The following SCFD1 variants were observed in gnomAD, a reference collection of about 807,000 sequenced individuals.
SCFD1 encodes sec1 family domain containing 1.
Under a neutral mutation model 103.2 loss-of-function variants are expected in SCFD1, and 37 were observed. The ratio of observed to expected loss-of-function variants is 0.36; its 90% CI spans 0.28 to 0.47. The LOEUF is 0.47. SCFD1 is among the 20% of genes least tolerant of loss of function. SCFD1 has a pLI of 1.00. For synonymous variants in SCFD1, 264 were observed against 245.0 expected, an observed-to-expected ratio of 1.08 and a Z score of -0.73; for missense variants, 639 against 761.2, an observed-to-expected ratio of 0.84 and a Z score of 1.89.
intron 20 of SCFD1, 57 bp downstream of exon 20, chr14:30,716,034 A>T: frequency 1.1e-6 from 1 of 923,978 alleles, no homozygotes; most frequent in Non-Finnish European, 1.7e-6. Flanking sequence ...ACTGACTAGT[A>T]TGAAAGAGGA....
chr14:30,710,919 A>G (rs946977270), intron 19 of SCFD1, among the ~76,000 whole-genome samples: 31 of 152,238 alleles, frequency 2.0e-4, no homozygotes, highest in African/African-American at 7.0e-4. Flanking sequence ...AGTTTAAACT[A>G]TAAATAAATT....
chr14:30,633,978 G>T lies in SCFD1; in HGVS notation c.253G>T (p.Asp85Tyr). 1.2e-6 allele frequency: 2 copies of T among 1,604,232 alleles called. No individual in the cohort carries two copies. Among genetic ancestry groups the T allele is most frequent in the Non-Finnish European group, 1.7e-6 (2 of 1,173,658 alleles). Reference protein sequence around the residue: ...LLHSDRDPIPDVPAVYFVMPT... With the variant: ...LLHSDRDPIPYVPAVYFVMPT... ...ACACTCTGATCGAGATCCTATTCCAGATGTTCCTGCAGTATACTTTGTAAT... is the reference window on the plus strand; with the variant it reads ...ACACTCTGATCGAGATCCTATTCCATATGTTCCTGCAGTATACTTTGTAAT... The change falls in exon 4 of 25, where the codon GAT becomes TAT. Residue 85 changes from aspartate to tyrosine, a missense_variant. By Grantham distance (160) the Asp-to-Tyr change is radical. Transcript: ENST00000458591.
rs551006345 is a variant in SCFD1 at position 30,696,005 on chromosome 14, A to C, written c.1339+1136A>C. On this transcript the variant is annotated intron_variant, in intron 15 of 24. Transcript: ENST00000458591. ...TAGTCTCTGAAATTCCCTAAACTTT[A>C]GAGACCTGTAGATCATTTCACAATA... Among the ~76,000 whole-genome samples, 5 of 152,350 alleles carry C rather than the reference A, an allele frequency of 3.3e-5. No individual in the cohort carries two copies. In the South Asian group the frequency reaches 1.0e-3, roughly 32 times the overall value.
intron 14 of SCFD1, among the ~76,000 whole-genome samples, chr14:30,693,156 C>T (rs1890440531): frequency 1.3e-5 from 2 of 152,070 alleles, no homozygotes; most frequent in South Asian, 4.1e-4. Flanking sequence ...GATAGGGAAT[C>T]CTCTACATGC....
chr14:30,700,301 T>C, intron 16 of SCFD1, 43 bp downstream of exon 16: 1 of 1,181,806 alleles, frequency 8.5e-7, no homozygotes, highest in Non-Finnish European at 1.3e-6. Flanking sequence ...GGAATGCTTG[T>C]TTGTAGACTA....
chr14:30,727,310 C>T (rs1047586829), intron 23 of SCFD1, among the ~76,000 whole-genome samples: 1 of 152,200 alleles, frequency 6.6e-6, no homozygotes, highest in Non-Finnish European at 1.5e-5. Context: ...TCTGTGACTT[C>T]GTTGTTCAAC....
At chr14:30,623,998 G>T (rs1191410786) in intron 1 of SCFD1, among the ~76,000 whole-genome samples, 1 of 152,126 alleles carries the variant, frequency 6.6e-6, no homozygotes, top group African/African-American at 2.4e-5. Flanking sequence ...CTATTGTTAG[G>T]CATTGCATTA....
In SCFD1 at chr14:30,726,953, A is replaced by G. The variant is rs186316431; in HGVS notation, c.1836+4394A>G. On this transcript the variant is annotated intron_variant, in intron 23 of 24. Transcript: ENST00000458591. ...CATTGAGTTTTTATTGCTTGAATAT[A>G]GTTTGAATATACCTTTTGGATCCAA... 2.0e-5 allele frequency among the ~76,000 whole-genome samples: 3 copies of G among 152,288 alleles called. No individual in the cohort carries two copies. The East Asian group carries it at 5.8e-4, about 29-fold the overall frequency.
At chr14:30,727,159 C>G (rs1466061805) in intron 23 of SCFD1, among the ~76,000 whole-genome samples, 1 of 152,126 alleles carries the variant, frequency 6.6e-6, no homozygotes, top group Non-Finnish European at 1.5e-5. Context: ...ACCTTAGTGC[C>G]TTCCGCCCAC....
At chr14:30,660,607 CT>C (rs960804300) in intron 10 of SCFD1, among the ~76,000 whole-genome samples, 2 of 151,984 alleles carry the variant, frequency 1.3e-5, no homozygotes, top group African/African-American at 4.8e-5. Flanking sequence ...AGCCAACATG[CT>C]TATATAAATA....
At chr14:30,647,250 T>C (rs1594600621) in intron 7 of SCFD1, among the ~76,000 whole-genome samples, 1 of 152,138 alleles carries the variant, frequency 6.6e-6, no homozygotes, top group Admixed American at 6.6e-5. Context: ...ATTAATAAAA[T>C]ATGTCACACA....
At chr14:30,724,997 T>C (rs532702099) in intron 23 of SCFD1, among the ~76,000 whole-genome samples, 1 of 152,290 alleles carries the variant, frequency 6.6e-6, no homozygotes, top group East Asian at 1.9e-4. Context: ...GTTGTAGGTA[T>C]GCAGTCTTAT....
At chr14:30,693,782 C>A (rs1174549275) in intron 14 of SCFD1, among the ~76,000 whole-genome samples, 1 of 152,012 alleles carries the variant, frequency 6.6e-6, no homozygotes, top group Non-Finnish European at 1.5e-5. Context: ...TTGTTTACAC[C>A]CTTAATTATA....
chr14:30,638,534 C>G (rs1273855610), intron 5 of SCFD1, among the ~76,000 whole-genome samples: 1 of 152,144 alleles, frequency 6.6e-6, no homozygotes, highest in East Asian at 1.9e-4. Flanking sequence ...TTTAGGTCAA[C>G]TCAGAAATCA....
intron 2 of SCFD1, among the ~76,000 whole-genome samples, chr14:30,629,934 AT>A (rs201656844): frequency 0.039 from 5,925 of 152,120 alleles, 147 homozygotes; most frequent in South Asian, 0.067. Context: ...AAAATACTAA[AT>A]TTTTTATTGT....
intron 7 of SCFD1, among the ~76,000 whole-genome samples, chr14:30,646,088 C>G (rs1885798077): frequency 6.6e-6 from 1 of 152,078 alleles, no homozygotes; most frequent in Non-Finnish European, 1.5e-5. Flanking sequence ...TGCAGTGGCA[C>G]AACCTCAGCT....
intron 23 of SCFD1, among the ~76,000 whole-genome samples, chr14:30,725,427 T>C (rs1892975281): frequency 6.6e-6 from 1 of 152,184 alleles, no homozygotes; most frequent in Admixed American, 6.5e-5. Flanking sequence ...TTCTTGGGTA[T>C]TTTATTCTTT....
chr14:30,671,145 A>C (rs1379561293), intron 11 of SCFD1, among the ~76,000 whole-genome samples: 1 of 152,164 alleles, frequency 6.6e-6, no homozygotes, highest in Non-Finnish European at 1.5e-5. Context: ...TTATTGTTTA[A>C]AGAGAAGTCG....
chr14:30,702,099 G>A (rs1339700243), intron 16 of SCFD1, among the ~76,000 whole-genome samples, 197 bp from the exon 17 acceptor site: 1 of 152,128 alleles, frequency 6.6e-6, no homozygotes, highest in Admixed American at 6.5e-5. Context: ...GCCTCTTAAA[G>A]GTAATTTTCA....
Sources: allele counts gnomAD v4.1 joint callset (sites outside exome capture counted in the v4.1 genomes callset), GRCh38; gene constraint gnomAD v4.1.1; transcripts MANE v1.5; gene names NCBI Gene and HGNC (gene_info 2026-07-23, HGNC 2026-07-21).